Variants in CACNA1E observed in about 807,000 individuals in gnomAD.
CACNA1E encodes voltage-dependent R-type calcium channel subunit alpha-1E.
A neutral mutation model predicts 259.2 loss-of-function variants in CACNA1E; 40 were observed. The observed-to-expected ratio is 0.15, with a 90% CI of 0.12 to 0.20. The LOEUF (loss-of-function observed/expected upper bound fraction) is 0.20, where lower values mean the gene tolerates loss of function less well. Among genes scored for constraint, CACNA1E ranks in the 10% least tolerant of loss-of-function variants. CACNA1E has a pLI of 1.00. For synonymous variants in CACNA1E, 1,104 were observed against 1,138.5 expected (o/e 0.97, Z 0.61); for missense variants, 1,874 against 3,040.1 (o/e 0.62, Z 9.02).
intron 1 of CACNA1E, among the ~76,000 whole-genome samples, chr1:181,407,290 TG>T (rs1002385901): frequency 1.3e-5 from 2 of 152,168 alleles, no homozygotes; most frequent in African/African-American, 4.8e-5. Flanking sequence ...GAACACTTCC[TG>T]GGTGTGTTTT....
chr1:181,748,642 C>G (rs1657324550), intron 25 of CACNA1E, among the ~76,000 whole-genome samples: 1 of 152,140 alleles, frequency 6.6e-6, no homozygotes, highest in Non-Finnish European at 1.5e-5. Flanking sequence ...GAAAGATTAT[C>G]CCTTAGTTCT....
At chr1:181,574,844 G>A (rs1650794271) in intron 3 of CACNA1E, among the ~76,000 whole-genome samples, 1 of 152,108 alleles carries the variant, frequency 6.6e-6, no homozygotes, top group African/African-American at 2.4e-5. Context: ...GGACAGCATG[G>A]TGAAACCCTG....
chr1:181,775,915 T>C (rs184157866), intron 37 of CACNA1E, among the ~76,000 whole-genome samples, 186 bp from the exon 38 acceptor site: 156 of 152,338 alleles, frequency 1.0e-3, no homozygotes, highest in Admixed American at 7.3e-3. Flanking sequence ...GATGCTTCTG[T>C]GATCCGGCAC....
At chr1:181,475,426 T>C (rs994154671) in intron 2 of CACNA1E, among the ~76,000 whole-genome samples, 3 of 152,206 alleles carry the variant, frequency 2.0e-5, no homozygotes, top group African/African-American at 7.2e-5. Context: ...TTGGAGAGAT[T>C]ATGAAAGGCT....
intron 25 of CACNA1E, chr1:181,745,400 GC>G: frequency 2.1e-6 from 1 of 481,410 alleles, no homozygotes; most frequent in Middle Eastern, 3.4e-4. Flanking sequence ...TCAGCCCGTG[GC>G]CACAGACCCA....
At chr1:181,339,019 T>C (rs1651940114) in intron 1 of CACNA1E, among the ~76,000 whole-genome samples, 1 of 152,240 alleles carries the variant, frequency 6.6e-6, no homozygotes. Flanking sequence ...TCCATTGGTT[T>C]ATGTGTCTGT....
chr1:181,541,337 C>T (rs1668565457), intron 3 of CACNA1E, among the ~76,000 whole-genome samples: 1 of 151,112 alleles, frequency 6.6e-6, no homozygotes, highest in Non-Finnish European at 1.5e-5. Flanking sequence ...AACATAATAA[C>T]AGTTAAAGAT....
chr1:181,619,285 A>G (rs1262437276), intron 6 of CACNA1E, among the ~76,000 whole-genome samples: 2 of 152,018 alleles, frequency 1.3e-5, no homozygotes, highest in South Asian at 4.2e-4. Context: ...GACCTGAAGA[A>G]AGCTAGGGAT....
chr1:181,783,659 C>A lies in CACNA1E; in HGVS notation c.5365-20C>A. 4.0e-5 allele frequency: 47 copies of A among 1,161,940 alleles called. No homozygotes were observed. The highest frequency in any genetic ancestry group is 4.7e-5 in the Non-Finnish European group (40 of 852,820). The allele number at this position is 1,161,940 out of a possible 1,614,324, so 72.0% of individuals were successfully genotyped here. A position where few individuals can be genotyped will look rare whatever the true frequency, so the allele number is the denominator to read the frequency against. ...TTTTTTTTTTTTTTGCCTGCTGTTT[C>A]TTTTTTCTCTTTCACACAGAGGTTG... On this transcript the variant is annotated intron_variant, in intron 39 of 47. Coordinates refer to ENST00000367573, the MANE Select transcript of CACNA1E (RefSeq NM_001205293.3).
chr1:181,632,859 A>G (rs1046035772), intron 6 of CACNA1E, among the ~76,000 whole-genome samples: 2 of 152,298 alleles, frequency 1.3e-5, no homozygotes, highest in Admixed American at 6.5e-5. Flanking sequence ...CATTCAAGAC[A>G]CAATCCATGT....
intron 7 of CACNA1E, among the ~76,000 whole-genome samples, chr1:181,708,348 G>A (rs914217055): frequency 2.6e-5 from 4 of 152,144 alleles, no homozygotes; most frequent in African/African-American, 7.2e-5. Context: ...GAGAGTTGTG[G>A]TTCCTCTGAG....
rs765080904 is a variant in CACNA1E, at chr1:181,798,653, C to T, written c.6761C>T (p.Ala2254Val). The change falls in exon 48 of 48, where the codon GCA becomes GTA. Residue 2254 changes from alanine to valine, a missense_variant. Physicochemically the swap from Ala to Val is moderately conservative, Grantham distance 64. This residue lies in a region of CACNA1E where 542 missense variants were observed against 587.2 expected (regional missense o/e 0.92). Transcript: ENST00000367573. This position sits in a 1 kb window ranked among gnomAD's most constrained non-coding sequence, Gnocchi z 4.2. ...CGEEETLTFE[A>V]AVATSLGRSN... ...GAGGAGGAGACGCTCACTTTCGAAG[C>T]AGCCGTGGCTACTAGCCTGGGCCGT... 8 of 1,610,196 alleles carry T rather than the reference C, an allele frequency of 5.0e-6. No homozygotes were observed. The highest frequency in any genetic ancestry group is 6.8e-6 in the Non-Finnish European group (8 of 1,177,416).
At chr1:181,521,654 C>A (rs1667002820) in intron 3 of CACNA1E, among the ~76,000 whole-genome samples, 1 of 152,184 alleles carries the variant, frequency 6.6e-6, no homozygotes, top group Non-Finnish European at 1.5e-5. Context: ...TGCTGTCCAG[C>A]AGAGAAGACA....
intron 38 of CACNA1E, among the ~76,000 whole-genome samples, chr1:181,780,186 C>G (rs1660303530): frequency 6.6e-6 from 1 of 152,144 alleles, no homozygotes; most frequent in South Asian, 2.1e-4. Flanking sequence ...CTCAGAGAGT[C>G]TGGGAAGATC....
intron 44 of CACNA1E, among the ~76,000 whole-genome samples, chr1:181,792,253 C>T (rs1661386868): frequency 6.6e-6 from 1 of 152,208 alleles, no homozygotes; most frequent in South Asian, 2.1e-4. Context: ...GCGGGTTCCC[C>T]AGGGCTGAGC....
rs536207788 is a variant in CACNA1E, at chr1:181,661,366, G to A, written c.1055+9925G>A. On this transcript the variant is annotated intron_variant, in intron 7 of 47. Transcript: ENST00000367573. ...GGGGCTGAAGTACAGCGGTGGGGACGGAAAGGACAGGACAGCTCCAGGAGG... is the reference window on the plus strand; with the variant it reads ...GGGGCTGAAGTACAGCGGTGGGGACAGAAAGGACAGGACAGCTCCAGGAGG... 2.7e-4 allele frequency among the ~76,000 whole-genome samples: 41 copies of A among 152,284 alleles called. 2 individuals are homozygous for A. Among genetic ancestry groups the A allele is most frequent in the African/African-American group, 9.6e-4 (40 of 41,558 alleles).
At chr1:181,451,805 A>G (rs1661174018) in intron 2 of CACNA1E, among the ~76,000 whole-genome samples, 2 of 152,170 alleles carry the variant, frequency 1.3e-5, no homozygotes, top group Non-Finnish European at 2.9e-5. Context: ...AGCAAGAAGG[A>G]AGACAGGGCC....
chr1:181,522,488 A>G (rs763456192), intron 3 of CACNA1E, among the ~76,000 whole-genome samples: 4 of 152,224 alleles, frequency 2.6e-5, no homozygotes, highest in Non-Finnish European at 4.4e-5. Flanking sequence ...TGATAGAACA[A>G]TGGTCAAAAG....
chr1:181,491,000 C>T (rs1664271276), intron 1 of CACNA1E, among the ~76,000 whole-genome samples: 1 of 152,250 alleles, frequency 6.6e-6, no homozygotes, highest in Non-Finnish European at 1.5e-5. Context: ...TCGAGCCTTT[C>T]TCAGCCTTCA....
Sources: gnomAD v4.1 joint callset for allele counts (sites outside exome capture counted in the v4.1 genomes callset) on GRCh38, gnomAD v4.1.1 for gene constraint, gnomAD v4.1.1 regional missense constraint, Gnocchi (gnomAD v3.1) non-coding constraint, MANE v1.5 for transcripts, NCBI Gene and HGNC (gene_info 2026-07-23, HGNC 2026-07-21) for gene names.